Variants in RESP18 observed in about 807,000 individuals in gnomAD.
RESP18 encodes the protein regulated endocrine specific protein 18.
RESP18 carries 30 observed loss-of-function variants against 30.0 expected under a neutral mutation model. The observed-to-expected ratio is 1.00, with a 90% CI of 0.75 to 1.36. The LOEUF (loss-of-function observed/expected upper bound fraction) is 1.36. Among genes scored for constraint, RESP18 ranks in the 40% most tolerant of loss-of-function variants. The probability of loss-of-function intolerance (pLI) is 0.00; values close to 1 mark genes in which losing one functional copy is unlikely to be tolerated. For missense variants in RESP18, 320 were observed against 284.2 expected (o/e 1.13, Z -0.91); for synonymous variants, 117 against 111.2 (o/e 1.05, Z -0.33).
chr2:219,327,638 A>G (rs1035501335), intron 6 of RESP18, 75 bp from the exon 6 acceptor site: 1 of 1,250,826 alleles, frequency 8.0e-7, no homozygotes, highest in African/African-American at 1.5e-5. Flanking sequence ...CCCTCCTTCC[A>G]CAAATACTGT....
At chr2:219,331,791 G>T (rs1421672541) in intron 2 of RESP18, among the ~76,000 whole-genome samples, 1 of 152,212 alleles carries the variant, frequency 6.6e-6, no homozygotes, top group Non-Finnish European at 1.5e-5. Flanking sequence ...TGGCGGCGGC[G>T]CTGGGCGGAA....
chr2:219,328,833 A>T (rs1414593112), intron 6 of RESP18, 91 bp downstream of exon 5: 7 of 732,374 alleles, frequency 9.6e-6, no homozygotes, highest in Non-Finnish European at 1.6e-5. Flanking sequence ...TGTTGCTATC[A>T]TGTGCTATAT....
chr2:219,332,791 C>T, intron 1 of RESP18, 47 bp from the exon 1 acceptor site: 2 of 1,386,494 alleles, frequency 1.4e-6, no homozygotes, highest in Non-Finnish European at 1.9e-6. Flanking sequence ...CCTGCCCCTG[C>T]GGTCGCCTCC....
chr2:219,329,875 ATT>A, intron 3 of RESP18, 111 bp from the exon 3 acceptor site: 1 of 1,100,418 alleles, frequency 9.1e-7, no homozygotes, highest in Non-Finnish European at 1.3e-6. Context: ...TTTACAGAGA[ATT>A]AAACAAGATG....
At chr2:219,333,152 C>A in intron 1 of RESP18, 1 of 1,528,068 alleles carries the variant, frequency 6.5e-7, no homozygotes, top group Non-Finnish European at 8.8e-7. Context: ...GCACATCCAT[C>A]CACTTTACTC....
Position 219,329,631 on chromosome 2 carries a change from C to T in RESP18, c.465+6G>A, listed in dbSNP as rs1952808672. ...TTGGAATGACCACAGGCCTCATGCA[C>T]CTCACCTCAGTGGTTTTAGTGGGGA... On this transcript the variant is annotated splice_donor_region_variant and intron_variant, in intron 4 of 6. Transcript: ENST00000333527. The T allele has an allele frequency of 4.5e-6, 7 of 1,551,404 alleles. No individual in the cohort carries two copies. Among genetic ancestry groups the T allele is most frequent in the Non-Finnish European group, 5.2e-6 (6 of 1,146,974 alleles).
intron 1 of RESP18, chr2:219,333,053 C>A: frequency 9.9e-7 from 1 of 1,007,834 alleles, no homozygotes; most frequent in Non-Finnish European, 1.4e-6. Flanking sequence ...ACACTCTTTA[C>A]TCTGGCCCAC....
intron 6 of RESP18, among the ~76,000 whole-genome samples, chr2:219,328,347 C>T (rs1157913129): frequency 6.6e-6 from 1 of 152,114 alleles, no homozygotes; most frequent in African/African-American, 2.4e-5. Flanking sequence ...GTATGGGTGT[C>T]TCAGGACATT....
chr2:219,330,672 T>C lies in RESP18; in HGVS notation c.337+99A>G, dbSNP rs997441420. ...TGTGACAAAGTTTTAAGTAGAGACA[T>C]TTGGGGAACAGAAAGCCTACCCTCA... On this transcript the variant is annotated intron_variant, in intron 3 of 6. Transcript: ENST00000333527. 3 of 731,710 alleles carry C rather than the reference T, an allele frequency of 4.1e-6. No individual in the cohort carries two copies. The African/African-American group carries it at 5.4e-5, about 13-fold the overall frequency. 45.3% of individuals were successfully genotyped at this position (731,710 alleles called of 1,614,324 possible).
intron 2 of RESP18, 51 bp downstream of exon 1, chr2:219,332,473 C>A: frequency 1.4e-6 from 2 of 1,425,606 alleles, no homozygotes; most frequent in Non-Finnish European, 9.6e-7. Flanking sequence ...ACCCCCACTT[C>A]TCAGGATCGC....
intron 1 of RESP18, chr2:219,333,132 AT>A: frequency 7.0e-7 from 1 of 1,425,224 alleles, no homozygotes; most frequent in Non-Finnish European, 9.5e-7. Context: ...TATATTATAT[AT>A]TATATATGGC....
At chr2:219,332,785 C>A (rs919309976) in intron 1 of RESP18, 41 bp from the exon 1 acceptor site, 10 of 1,433,226 alleles carry the variant, frequency 7.0e-6, no homozygotes, top group Admixed American at 2.2e-5. Context: ...GCGGGCCCTG[C>A]CCCTGCGGTC....
In RESP18 at chr2:219,329,229, C is replaced by T; in HGVS notation, c.489G>A (p.Arg163=). 1 of 1,551,648 alleles carries T rather than the reference C, an allele frequency of 6.4e-7. No individual in the cohort carries two copies. Among genetic ancestry groups the T allele is most frequent in the Non-Finnish European group, 8.7e-7 (1 of 1,146,986 alleles). The stretch of plus-strand genomic sequence containing the variant: ...CCACTTCGGAGGTAAAGCACTGATC[C>T]CTGTTCACCTTGGCCAGGGGGCTCT... Residue 163 remains arginine, a synonymous_variant, in exon 5 of 7, where the codon AGG becomes AGA. Coordinates refer to ENST00000333527, the MANE Select transcript of RESP18 (RefSeq NM_001007089.4).
intron 2 of RESP18, among the ~76,000 whole-genome samples, chr2:219,332,045 C>T (rs1256688108): frequency 6.6e-6 from 1 of 152,024 alleles, no homozygotes; most frequent in African/African-American, 2.4e-5. Flanking sequence ...CGGATTGGTG[C>T]GGGGGAAGGG....
intron 6 of RESP18, 79 bp from the exon 6 acceptor site, chr2:219,327,642 A>G: frequency 1.7e-6 from 2 of 1,199,624 alleles, no homozygotes; most frequent in Non-Finnish European, 2.4e-6. Flanking sequence ...CCTTCCACAA[A>G]TACTGTAGTA....
chr2:219,327,630 C>A, intron 6 of RESP18, 67 bp from the exon 6 acceptor site: 1 of 1,330,730 alleles, frequency 7.5e-7, no homozygotes, highest in South Asian at 1.3e-5. Flanking sequence ...CTCATCTGCC[C>A]TCCTTCCACA....
At position 219,332,522 on chromosome 2, in the gene RESP18, A is replaced by G. The variant is rs1383735860; in HGVS notation, c.232+2T>C. Reference sequence around the variant, plus strand: ...CCCGCACCCCCCAGGGTTCCTCCTGACCGTGGGCACTAGTGTCGCTGCAGC... The same window carrying G: ...CCCGCACCCCCCAGGGTTCCTCCTGGCCGTGGGCACTAGTGTCGCTGCAGC... On this transcript the variant is annotated splice_donor_variant, in intron 2 of 6. Transcript: ENST00000333527. LOFTEE classifies it high-confidence loss of function. 2 of 1,549,782 alleles carry G rather than the reference A, an allele frequency of 1.3e-6. No individual in the cohort carries two copies. The highest frequency in any genetic ancestry group is 2.4e-5 in the East Asian group (1 of 40,888).
intron 3 of RESP18, among the ~76,000 whole-genome samples, chr2:219,330,530 G>GTTTTTT (rs142399935): frequency 7.3e-6 from 1 of 136,648 alleles, no homozygotes; most frequent in Non-Finnish European, 1.5e-5. Context: ...GCCGTTTTCA[G>GTTTTTT]TTTTGTTTTT....
chr2:219,333,123 ATATTAT>A, intron 1 of RESP18: 11 of 902,492 alleles, frequency 1.2e-5, no homozygotes, highest in Non-Finnish European at 1.4e-5. Flanking sequence ...ATAATATTAT[ATATTAT>A]ATATTATATA....
Sources: gnomAD v4.1 joint callset for allele counts (sites outside exome capture counted in the v4.1 genomes callset) on GRCh38, gnomAD v4.1.1 for gene constraint, MANE v1.5 for transcripts, NCBI Gene and HGNC (gene_info 2026-07-23, HGNC 2026-07-21) for gene names.